The following RNF213 variants were observed in gnomAD, a reference collection of about 807,000 sequenced individuals.
RNF213 encodes the protein ring finger protein 213, also known as E3 ubiquitin-protein ligase RNF213.
A neutral mutation model predicts 514.4 loss-of-function variants in RNF213; 341 were observed. The ratio of observed to expected loss-of-function variants is 0.66; its 90% CI spans 0.61 to 0.73. The LOEUF is 0.73. Ranked by LOEUF, RNF213 falls within the 30% of genes least tolerant of loss-of-function variation. The probability of loss-of-function intolerance (pLI) is 0.00; values close to 1 mark genes in which losing one functional copy is unlikely to be tolerated. For missense variants in RNF213, 5,767 were observed against 6,615.6 expected (o/e 0.87, Z 4.45); for synonymous variants, 2,655 against 2,658.2 (o/e 1.00, Z 0.04).
At chr17:80,324,971 T>C (rs1443215644) in intron 17 of RNF213, 59 bp from the exon 18 acceptor site, 4 of 1,494,662 alleles carry the variant, frequency 2.7e-6, no homozygotes, top group Admixed American at 2.0e-5. Flanking sequence ...GCTTTTGTTA[T>C]TTCAAAACAA....
At chr17:80,268,442 G>A (rs1431788327) in intron 2 of RNF213, among the ~76,000 whole-genome samples, 1 of 151,296 alleles carries the variant, frequency 6.6e-6, no homozygotes, top group African/African-American at 2.4e-5. Context: ...CTCCAAAGAT[G>A]CAGGGGTGGG....
Position 80,350,557 on chromosome 17 carries a change from C to T in RNF213, c.10184+161C>T, listed in dbSNP as rs557024573. On this transcript the variant is annotated intron_variant, in intron 31 of 67. Coordinates refer to ENST00000582970, the MANE Select transcript of RNF213 (RefSeq NM_001256071.3). ...ATTCCCCCAAGTGGGATTAGGGAAA[C>T]TGAAGAGAGACAAAAAGAAAAGGCC... Among the ~76,000 whole-genome samples the T allele has an allele frequency of 2.0e-4, 31 of 152,230 alleles. 1 individual carries two copies. In the South Asian group the frequency reaches 5.8e-3, roughly 29 times the overall value.
intron 37 of RNF213, among the ~76,000 whole-genome samples, 186 bp downstream of exon 37, chr17:80,358,665 C>G (rs1401671839): frequency 6.6e-6 from 1 of 152,192 alleles, no homozygotes; most frequent in African/African-American, 2.4e-5. Context: ...AATCCCAGCA[C>G]TTTGGGAGGC....
chr17:80,373,259 C>CTA (rs1433612601), intron 49 of RNF213, 94 bp downstream of exon 49: 149 of 1,008,986 alleles, frequency 1.5e-4, no homozygotes, highest in Non-Finnish European at 1.9e-4. Flanking sequence ...ACCCTACCCC[C>CTA]CCCACACCCC....
chr17:80,339,864 G>A lies in RNF213; in HGVS notation c.5497G>A (p.Val1833Ile), dbSNP rs1022757617. 5.5e-5 allele frequency: 85 copies of A among 1,536,832 alleles called. No homozygotes were observed. The Admixed American group carries it at 1.2e-3, about 22-fold the overall frequency. The change falls in exon 26 of 68, where the codon GTC becomes ATC. Residue 1833 changes from valine to isoleucine, a missense_variant. This residue lies in a region of RNF213 where 1,377 missense variants were observed against 1,635.2 expected (regional missense o/e 0.84). Coordinates refer to ENST00000582970, the MANE Select transcript of RNF213 (RefSeq NM_001256071.3). ...RGLQVGQPNL[V>I]VCGHSEVLPA... ...TCTGCAGGTCGGCCAGCCCAACCTC[G>A]TCGTCTGTGGCCACTCCGAGGTGTT...
rs1430411666 is a variant in RNF213, at chr17:80,347,323, G to A, written c.8988G>A (p.Leu2996=). The change falls in exon 29 of 68, where the codon TTG becomes TTA. Residue 2996 remains leucine (L), a synonymous_variant. Coordinates refer to ENST00000582970, the MANE Select transcript of RNF213 (RefSeq NM_001256071.3). This position sits in a 1 kb window ranked among gnomAD's most constrained non-coding sequence, Gnocchi z 7.2. ...GTGGCAAGGATGACATCCAAGCTTTGGACATCTTTCTGGCCAATTTGCCCG... is the reference window on the plus strand; with the variant it reads ...GTGGCAAGGATGACATCCAAGCTTTAGACATCTTTCTGGCCAATTTGCCCG... ...NFSGKDDIQA[L]DIFLANLPEA... is the part of the protein sequence containing the mutation. 6.2e-7 allele frequency: 1 copy of A among 1,613,888 alleles called. No individual in the cohort carries two copies. Among genetic ancestry groups the A allele is most frequent in the African/African-American group, 1.3e-5 (1 of 74,922 alleles).
chr17:80,380,063 A>C (rs899701128), intron 55 of RNF213, among the ~76,000 whole-genome samples: 2 of 152,132 alleles, frequency 1.3e-5, no homozygotes, highest in Non-Finnish European at 2.9e-5. Flanking sequence ...CAGGACCAAA[A>C]CCTGGGCATC....
intron 64 of RNF213, 191 bp downstream of exon 64, chr17:80,388,880 T>C (rs2080346692): frequency 3.1e-6 from 2 of 643,770 alleles, no homozygotes; most frequent in African/African-American, 1.8e-5. Context: ...CAGATTGACA[T>C]CTTGTGGGTT....
chr17:80,346,077 A>C lies in RNF213; in HGVS notation c.7742A>C (p.Asp2581Ala). Reference protein sequence around the residue: ...LPPSLIPLVWDFGQLSDVAEK... With the variant: ...LPPSLIPLVWAFGQLSDVAEK... ...CCGAGCCTGATTCCTCTGGTGTGGG[A>C]CTTTGGACAACTGAGTGACGTTGCT... The change falls in exon 29 of 68, where the codon GAC becomes GCC. Residue 2581 changes from aspartate to alanine, a missense_variant. Asp to Ala is a moderately radical substitution (Grantham distance 126). This residue lies in a region of RNF213 where 1,377 missense variants were observed against 1,635.2 expected (regional missense o/e 0.84). Coordinates refer to ENST00000582970, the MANE Select transcript of RNF213 (RefSeq NM_001256071.3). The surrounding 1 kb of genome is among the most constrained non-coding windows in gnomAD (Gnocchi z 8.1). The C allele has an allele frequency of 1.2e-6, 2 of 1,614,136 alleles. No individual in the cohort carries two copies. The highest frequency in any genetic ancestry group is 1.6e-4 in the Middle Eastern group (1 of 6,062).
rs965755290 is a variant in RNF213 at position 80,394,313 on chromosome 17, C to CT, written c.*821dup. 33 of 152,306 alleles carry CT rather than the reference C, an allele frequency of 2.2e-4. No individual in the cohort carries two copies. The highest frequency in any genetic ancestry group is 7.9e-4 in the African/African-American group (33 of 41,558). The allele number at this position is 152,306 out of a possible 1,614,324, so 9.4% of individuals were successfully genotyped here. ...CCTGGTTCTGGCAGTTCTTTGCGGA[C>CT]TTTTTTCTAGCATTATGCCAAATAA... is the stretch of plus-strand genomic sequence containing the variant. On this transcript the variant is annotated 3_prime_UTR_variant, in exon 68 of 68. Coordinates refer to ENST00000582970, the MANE Select transcript of RNF213 (RefSeq NM_001256071.3).
chr17:80,346,039 C>G lies in RNF213; in HGVS notation c.7704C>G (p.Val2568=), dbSNP rs1193658156. The G allele has an allele frequency of 2.5e-6, 4 of 1,614,016 alleles. No homozygotes were observed. The African/African-American group carries it at 4.0e-5, about 16-fold the overall frequency. The part of the protein sequence containing the change: ...SIPLRQLVYR[V]HALPPSLIPL... ...CTCTGAGGCAGCTGGTATACCGGGT[C>G]CATGCTCTGCCCCCGAGCCTGATTC... is the stretch of plus-strand genomic sequence containing the variant. Residue 2568 remains valine (V), a synonymous_variant, in exon 29 of 68, where the codon GTC becomes GTG. Transcript: ENST00000582970. The surrounding 1 kb of genome is among the most constrained non-coding windows in gnomAD (Gnocchi z 8.1).
rs781148877 is a variant in RNF213, at chr17:80,376,509, T to C, written c.13394T>C (p.Leu4465Pro). Residue 4465 changes from leucine (L) to proline (P), a missense_variant, in exon 52 of 68, where the codon CTA (leucine) becomes CCA (proline). Coordinates refer to ENST00000582970, the MANE Select transcript of RNF213 (RefSeq NM_001256071.3). ...LCGQNELLEP[L>P]KNLAFSPATM... ...GGACAGAATGAACTCTTGGAGCCCC[T>C]AAAGAATCTGGCCTTCTCCCCAGCC... 6.2e-7 allele frequency: 1 copy of C among 1,614,138 alleles called. No individual in the cohort carries two copies. Among genetic ancestry groups the C allele is most frequent in the Non-Finnish European group, 8.5e-7 (1 of 1,180,022 alleles).
At chr17:80,372,039 G>C in intron 47 of RNF213, 54 bp downstream of exon 47, 1 of 946,878 alleles carries the variant, frequency 1.1e-6, no homozygotes, top group South Asian at 1.3e-5. Flanking sequence ...TGAACCACAT[G>C]GTTTAAAATT....
chr17:80,321,278 A>T (rs1389673785), intron 17 of RNF213: 1 of 152,164 alleles, frequency 6.6e-6, no homozygotes, highest in Non-Finnish European at 1.5e-5. Flanking sequence ...TTGTATGTTG[A>T]ATTTTTCACT....
Position 80,347,403 on chromosome 17 carries a change from T to C in RNF213, c.9068T>C (p.Phe3023Ser), listed in dbSNP as rs1198435594. 1 of 1,613,898 alleles carries C rather than the reference T, an allele frequency of 6.2e-7. No individual in the cohort carries two copies. The highest frequency in any genetic ancestry group is 8.5e-7 in the Non-Finnish European group (1 of 1,180,034). The change falls in exon 29 of 68, where the codon TTT becomes TCT. Residue 3023 changes from phenylalanine to serine, a missense_variant. By Grantham distance (155) the Phe-to-Ser change is radical. Transcript: ENST00000582970. This position sits in a 1 kb window ranked among gnomAD's most constrained non-coding sequence, Gnocchi z 7.2. The part of the protein sequence containing the change: ...SPMQLIKQNI[F>S]GPSQKVPGGE... ...ATGCAGCTGATCAAACAGAACATCT[T>C]TGGGCCTTCTCAGAAGGTGCCGGGT...
At position 80,354,016 on chromosome 17, in the gene RNF213, C is replaced by A; in HGVS notation, c.10579-3C>A. 1 of 1,613,766 alleles carries A rather than the reference C, an allele frequency of 6.2e-7. No individual in the cohort carries two copies. Among genetic ancestry groups the A allele is most frequent in the Non-Finnish European group, 8.5e-7 (1 of 1,180,018 alleles). ...CGGATGACCCAACCGTCTCCACCAA[C>A]AGGTGTCGATCCTGGACACCACCAG... On this transcript the variant is annotated splice_polypyrimidine_tract_variant and splice_region_variant and intron_variant, in intron 34 of 67. Transcript: ENST00000582970.
chr17:80,383,954 TC>T (rs774183304), intron 59 of RNF213, 26 bp downstream of exon 59: 1 of 1,614,080 alleles, frequency 6.2e-7, no homozygotes, highest in Non-Finnish European at 8.5e-7. Flanking sequence ...TGTGGCTCCC[TC>T]CCTCTTTCGG....
intron 59 of RNF213, among the ~76,000 whole-genome samples, chr17:80,384,134 C>T (rs941749396): frequency 1.3e-5 from 2 of 152,190 alleles, no homozygotes; most frequent in Admixed American, 6.5e-5. Context: ...AAGTCACAGA[C>T]GAAATACACA....
Position 80,364,850 on chromosome 17 carries a change from T to C in RNF213, c.11871+297T>C, listed in dbSNP as rs112460310. On this transcript the variant is annotated intron_variant, in intron 42 of 67. Transcript: ENST00000582970. The stretch of plus-strand genomic sequence containing the variant: ...TGCTTGTGAAACCTTCGGCAGGGAT[T>C]ACCTGGCCTTTGGAGTGACCCCAGA... The C allele has an allele frequency of 3.4e-3, 1,337 of 398,500 alleles. 12 individuals carry two copies. Among genetic ancestry groups the C allele is most frequent in the African/African-American group, 0.025 (1,222 of 48,552 alleles). 24.7% of individuals were successfully genotyped at this position (398,500 alleles called of 1,614,324 possible).
Sources: gnomAD v4.1 joint callset for allele counts (sites outside exome capture counted in the v4.1 genomes callset) on GRCh38, gnomAD v4.1.1 for gene constraint, gnomAD v4.1.1 regional missense constraint, Gnocchi (gnomAD v3.1) non-coding constraint, MANE v1.5 for transcripts, NCBI Gene and HGNC (gene_info 2026-07-23, HGNC 2026-07-21) for gene names.